FAT3: variants seen among roughly 807,000 people sequenced by gnomAD.
FAT3 encodes protocadherin Fat 3.
A neutral mutation model predicts 310.2 loss-of-function variants in FAT3; 95 were observed. That is an observed-to-expected ratio of 0.31 (90% CI 0.26 to 0.36). The LOEUF (loss-of-function observed/expected upper bound fraction) is 0.36, where lower values mean the gene tolerates loss of function less well. FAT3 is among the 10% of genes least tolerant of loss of function. The probability of loss-of-function intolerance (pLI) is 1.00; values close to 1 mark genes in which losing one functional copy is unlikely to be tolerated. For missense variants in FAT3, 5,408 were observed against 5,715.6 expected (o/e 0.95, Z 1.74); for synonymous variants, 2,314 against 2,192.9 (o/e 1.06, Z -1.54).
At chr11:92,726,195 G>A (rs992552218) in intron 4 of FAT3, among the ~76,000 whole-genome samples, 6 of 152,056 alleles carry the variant, frequency 3.9e-5, no homozygotes, top group Non-Finnish European at 7.4e-5. Flanking sequence ...TTGTTTAATA[G>A]CTATGACAAT....
intron 2 of FAT3, among the ~76,000 whole-genome samples, chr11:92,514,062 T>TTTAG (rs1377605985): frequency 6.6e-6 from 1 of 152,184 alleles, no homozygotes; most frequent in Non-Finnish European, 1.5e-5. Context: ...ATCTCAAATA[T>TTTAG]TTAGGACTGA....
At chr11:92,362,221 C>A (rs1032334390) in intron 2 of FAT3, among the ~76,000 whole-genome samples, 1 of 152,102 alleles carries the variant, frequency 6.6e-6, no homozygotes, top group Non-Finnish European at 1.5e-5. Context: ...CTTAGGAGAC[C>A]TAATGTACAC....
chr11:92,575,284 A>G (rs982701860), intron 3 of FAT3, among the ~76,000 whole-genome samples: 2 of 152,132 alleles, frequency 1.3e-5, no homozygotes, highest in African/African-American at 2.4e-5. Flanking sequence ...TTGGCTTCCT[A>G]TGCAATGCTC....
At chr11:92,565,663 G>C (rs1955406081) in intron 3 of FAT3, among the ~76,000 whole-genome samples, 1 of 150,278 alleles carries the variant, frequency 6.7e-6, no homozygotes, top group African/African-American at 2.4e-5. Context: ...ACCGAATCCA[G>C]CAGCACATCA....
chr11:92,653,365 C>G (rs1483330627), intron 3 of FAT3, among the ~76,000 whole-genome samples: 1 of 152,086 alleles, frequency 6.6e-6, no homozygotes, highest in Non-Finnish European at 1.5e-5. Flanking sequence ...CAGTGGCCCA[C>G]ATCTGCTGCC....
intron 2 of FAT3, among the ~76,000 whole-genome samples, chr11:92,418,435 CA>C (rs1488483029): frequency 0.018 from 1,921 of 106,554 alleles, 126 homozygotes; most frequent in African/African-American, 0.064. Context: ...CCCACCCCCC[CA>C]CACACACACA....
intron 2 of FAT3, among the ~76,000 whole-genome samples, chr11:92,398,640 A>G (rs1293066343): frequency 2.6e-5 from 4 of 152,098 alleles, no homozygotes; most frequent in Admixed American, 2.6e-4. Context: ...ACATTCTGAC[A>G]TATACTTGGG....
In FAT3 at chr11:92,715,171, C is replaced by T. The variant is rs186950854; in HGVS notation, c.3669+17726C>T. The stretch of plus-strand genomic sequence containing the variant: ...CTGTAATCCCAGCACTTTGGGAGGC[C>T]GAGGTAGGCGGATCATGAGGTCAGG... On this transcript the variant is annotated intron_variant, in intron 4 of 27. Transcript: ENST00000525166. 8.3e-4 allele frequency among the ~76,000 whole-genome samples: 126 copies of T among 151,266 alleles called. 2 individuals are homozygous for T. The East Asian group carries it at 0.023, about 28-fold the overall frequency.
intron 7 of FAT3, among the ~76,000 whole-genome samples, chr11:92,775,630 C>G (rs1484038987): frequency 1.3e-5 from 2 of 152,130 alleles, no homozygotes; most frequent in East Asian, 1.9e-4. Context: ...TTCTCCTTCC[C>G]TTAACTGACT....
intron 2 of FAT3, among the ~76,000 whole-genome samples, chr11:92,501,977 G>C (rs570034703): frequency 3.9e-5 from 6 of 152,018 alleles, no homozygotes; most frequent in Middle Eastern, 3.4e-3. Context: ...ACGCGCGCGT[G>C]TGTGTGTATT....
intron 7 of FAT3, among the ~76,000 whole-genome samples, chr11:92,785,050 C>G (rs1946853134): frequency 1.3e-5 from 2 of 151,758 alleles, no homozygotes; most frequent in Admixed American, 1.3e-4. Flanking sequence ...CTTTTTAACC[C>G]TTTTTCTACC....
chr11:92,840,818 C>T, intron 18 of FAT3, 59 bp downstream of exon 18: 1 of 1,429,766 alleles, frequency 7.0e-7, no homozygotes, highest in Non-Finnish European at 9.3e-7. Flanking sequence ...TTGTTTCTGT[C>T]CCCTTTGGTG....
Position 92,831,895 on chromosome 11 carries a change from G to A in FAT3, c.9755G>A (p.Gly3252Asp), listed in dbSNP as rs1404378270. The change falls in exon 14 of 28, where the codon GGC (glycine) becomes GAC (aspartate). Residue 3252 changes from glycine (G) to aspartate (D), a missense_variant. Gly to Asp is a moderately conservative substitution (Grantham distance 94, BLOSUM62 -1). Coordinates refer to ENST00000525166, the MANE Select transcript of FAT3 (RefSeq NM_001367949.2). ...ACGGTGCCTGAGGACACCTCCCCTG[G>A]CACCCAAGTCCTTGCTGTTTTTGCC... ...LVTVPEDTSPGTQVLAVFATS... is the reference protein window; with the variant it reads ...LVTVPEDTSPDTQVLAVFATS... 9 of 1,612,206 alleles carry A rather than the reference G, an allele frequency of 5.6e-6. No individual in the cohort carries two copies. Among genetic ancestry groups the A allele is most frequent in the Admixed American group, 1.7e-5 (1 of 59,786 alleles).
intron 2 of FAT3, among the ~76,000 whole-genome samples, chr11:92,490,854 C>G (rs1448359019): frequency 6.6e-6 from 1 of 152,054 alleles, no homozygotes; most frequent in African/African-American, 2.4e-5. Context: ...GTATATATTT[C>G]ATTTAATCCA....
At chr11:92,361,375 C>G (rs1001476668) in intron 2 of FAT3, among the ~76,000 whole-genome samples, 4 of 152,106 alleles carry the variant, frequency 2.6e-5, no homozygotes, top group African/African-American at 9.7e-5. Flanking sequence ...TCCCCCACCC[C>G]TCATAGCTCA....
intron 26 of FAT3, among the ~76,000 whole-genome samples, chr11:92,889,600 T>C (rs192870382): frequency 8.0e-4 from 122 of 152,354 alleles, no homozygotes; most frequent in African/African-American, 2.9e-3. Context: ...TGCAATATTA[T>C]GGATACTTAT....
chr11:92,647,639 CA>C (rs1942213697), intron 3 of FAT3, among the ~76,000 whole-genome samples: 1 of 152,130 alleles, frequency 6.6e-6, no homozygotes, highest in Admixed American at 6.5e-5. Context: ...CAGCTTCTAC[CA>C]GGGGCTCTGG....
chr11:92,409,949 T>G (rs945724261), intron 2 of FAT3, among the ~76,000 whole-genome samples: 2 of 152,124 alleles, frequency 1.3e-5, no homozygotes, highest in African/African-American at 4.8e-5. Context: ...TGTCCTGATG[T>G]GTTGGGTTTT....
Position 92,843,990 on chromosome 11 carries a change from C to A in FAT3, c.10623C>A (p.Val3541=), listed in dbSNP as rs543612289. 10 of 1,613,786 alleles carry A rather than the reference C, an allele frequency of 6.2e-6. No individual in the cohort carries two copies. In the South Asian group the frequency reaches 9.9e-5, roughly 16 times the overall value. ...QVSHTYIRVR[V]IEESTHKPTA... ...CTCACACTTACATCCGCGTGCGAGTCATTGAGGAAAGCACCCACAAGCCCA... is the reference window on the plus strand; with the variant it reads ...CTCACACTTACATCCGCGTGCGAGTAATTGAGGAAAGCACCCACAAGCCCA... The change falls in exon 19 of 28, where the codon GTC becomes GTA. Residue 3541 remains valine (V), a synonymous_variant. Coordinates refer to ENST00000525166, the MANE Select transcript of FAT3 (RefSeq NM_001367949.2).
Sources: allele counts gnomAD v4.1 joint callset (sites outside exome capture counted in the v4.1 genomes callset), GRCh38; gene constraint gnomAD v4.1.1; transcripts MANE v1.5; gene names NCBI Gene and HGNC (gene_info 2026-07-23, HGNC 2026-07-21).